The following SHANK2 variants were observed in gnomAD, a reference collection of about 807,000 sequenced individuals.
The protein encoded by SHANK2 is SH3 and multiple ankyrin repeat domains 2.
SHANK2 carries 43 observed loss-of-function variants against 133.7 expected under a neutral mutation model. The ratio of observed to expected loss-of-function variants is 0.32; its 90% confidence interval spans 0.25 to 0.41. The LOEUF is 0.41. Ranked by LOEUF, SHANK2 falls within the 10% of genes least tolerant of loss-of-function variation. The pLI is 1.00. For synonymous variants in SHANK2, 1,017 were observed against 952.8 expected, an observed-to-expected ratio of 1.07 and a Z score of -1.24; for missense variants, 1,994 against 2,235.8, an observed-to-expected ratio of 0.89 and a Z score of 2.18.
At chr11:71,225,514 C>T (rs1035962019) in intron 1 of SHANK2, among the ~76,000 whole-genome samples, 2 of 152,148 alleles carry the variant, frequency 1.3e-5, no homozygotes, top group East Asian at 3.9e-4. Flanking sequence ...GTGGAAGTGG[C>T]GTCAGGAAAA....
At chr11:70,876,379 T>A (rs1468022127) in intron 11 of SHANK2, among the ~76,000 whole-genome samples, 4 of 149,806 alleles carry the variant, frequency 2.7e-5, no homozygotes, top group Non-Finnish European at 5.9e-5. Context: ...GCTAACACGG[T>A]GAAACCTCAT....
chr11:70,872,993 A>C (rs1555070484), intron 11 of SHANK2: 3 of 471,290 alleles, frequency 6.4e-6, no homozygotes, highest in Non-Finnish European at 1.3e-5. Context: ...CAAAAGCTAA[A>C]GACATCCTGG....
At chr11:71,103,751 C>T (rs1385485320) in intron 6 of SHANK2, among the ~76,000 whole-genome samples, 2 of 151,828 alleles carry the variant, frequency 1.3e-5, no homozygotes, top group African/African-American at 4.8e-5. Flanking sequence ...TAGCACCATC[C>T]CCTTCCTTGG....
chr11:70,671,408 T>C (rs374948501), intron 15 of SHANK2, among the ~76,000 whole-genome samples: 23 of 152,112 alleles, frequency 1.5e-4, no homozygotes, highest in Non-Finnish European at 4.4e-5. Context: ...GTATCCTCAC[T>C]TGACGACTAC....
intron 11 of SHANK2, among the ~76,000 whole-genome samples, chr11:70,823,056 C>G (rs1948563826): frequency 1.2e-5 from 1 of 83,666 alleles, no homozygotes. Context: ...CCACGGGGGA[C>G]AGAGGTGGCG....
At chr11:70,656,394 G>GC (rs1555011617) in intron 17 of SHANK2, among the ~76,000 whole-genome samples, 1 of 151,978 alleles carries the variant, frequency 6.6e-6, no homozygotes, top group African/African-American at 2.4e-5. Flanking sequence ...AGAAACACCT[G>GC]CCCTGCTTCT....
chr11:70,863,356 G>T (rs1555068218), intron 11 of SHANK2: 1 of 458,082 alleles, frequency 2.2e-6, no homozygotes, highest in South Asian at 1.5e-5. Flanking sequence ...CCCGAACACA[G>T]CCCGACCTCA....
intron 2 of SHANK2, among the ~76,000 whole-genome samples, chr11:71,151,683 G>A (rs1299776882): frequency 6.6e-6 from 1 of 152,200 alleles, no homozygotes. Flanking sequence ...TCTGAAAAAC[G>A]GAGGGCGGGG....
intron 11 of SHANK2, among the ~76,000 whole-genome samples, chr11:70,895,198 C>T (rs1008942061): frequency 1.3e-5 from 2 of 152,212 alleles, no homozygotes; most frequent in Non-Finnish European, 2.9e-5. Context: ...TCTGCATCCT[C>T]GTGCGGTTCT....
chr11:70,671,650 C>T (rs1305989800), intron 15 of SHANK2, among the ~76,000 whole-genome samples: 1 of 152,212 alleles, frequency 6.6e-6, no homozygotes, highest in East Asian at 1.9e-4. Flanking sequence ...GGTGTCCTTC[C>T]TTATGGAGAG....
chr11:70,846,657 G>C (rs1158619530), intron 11 of SHANK2, among the ~76,000 whole-genome samples: 1 of 152,128 alleles, frequency 6.6e-6, no homozygotes, highest in African/African-American at 2.4e-5. Context: ...GGTGCCTAAC[G>C]GCCACCTCAT....
intron 17 of SHANK2, among the ~76,000 whole-genome samples, chr11:70,520,962 T>C (rs1342818040): frequency 1.3e-5 from 2 of 152,222 alleles, no homozygotes; most frequent in African/African-American, 4.8e-5. Context: ...GGCTGCTACC[T>C]TTTGCCGTGC....
chr11:70,702,511 C>T (rs1273291313), intron 14 of SHANK2, among the ~76,000 whole-genome samples: 1 of 152,054 alleles, frequency 6.6e-6, no homozygotes, highest in Non-Finnish European at 1.5e-5. Context: ...ATCAGCACCA[C>T]CATCCTCTTC....
At chr11:71,243,747 G>A (rs1393307231) in intron 1 of SHANK2, among the ~76,000 whole-genome samples, 1 of 152,058 alleles carries the variant, frequency 6.6e-6, no homozygotes, top group African/African-American at 2.4e-5. Flanking sequence ...CAACTACATA[G>A]CAACCACATT....
At chr11:70,600,418 C>CAAAAAAAAAAAA (rs56103044) in intron 17 of SHANK2, among the ~76,000 whole-genome samples, 13 of 95,434 alleles carry the variant, frequency 1.4e-4, no homozygotes, top group East Asian at 3.0e-4. Context: ...GACTCTGTCT[C>CAAAAAAAAAAAA]AAAAAAAAAA....
At position 70,624,748 on chromosome 11, in the gene SHANK2, G is replaced by A. The variant is rs1554999303; in HGVS notation, c.2061+35080C>T. Among the ~76,000 whole-genome samples, 12 of 152,252 alleles carry A rather than the reference G, an allele frequency of 7.9e-5. No homozygotes were observed. In the South Asian group the frequency reaches 2.1e-3, roughly 26 times the overall value. On this transcript the variant is annotated intron_variant, in intron 17 of 25. Transcript: ENST00000601538. ...GCTGCTGCTGGACACCCCACAGTGT[G>A]CAGGAGGGGCCCGCAGCAGAGTGAT...
chr11:70,898,664 C>G (rs75981704), intron 10 of SHANK2, among the ~76,000 whole-genome samples: 8,632 of 152,256 alleles, frequency 0.057, 361 homozygotes, highest in Non-Finnish European at 0.091. Context: ...GAAGGAGCAG[C>G]TGGATCCTCC....
chr11:70,701,973 T>C (rs1945532135), intron 14 of SHANK2, among the ~76,000 whole-genome samples: 2 of 135,552 alleles, frequency 1.5e-5, no homozygotes, highest in Non-Finnish European at 3.2e-5. Context: ...CCATAATTAC[T>C]GCCATCATCA....
chr11:70,680,405 C>T (rs1945002216), intron 15 of SHANK2, among the ~76,000 whole-genome samples: 1 of 152,008 alleles, frequency 6.6e-6, no homozygotes, highest in South Asian at 2.1e-4. Flanking sequence ...AGAGGAGGGG[C>T]TGCTTGTGTT....
Sources: allele counts gnomAD v4.1 joint callset (sites outside exome capture counted in the v4.1 genomes callset), GRCh38; gene constraint gnomAD v4.1.1; transcripts MANE v1.5; gene names NCBI Gene and HGNC (gene_info 2026-07-23, HGNC 2026-07-21).